Variants in RPH3A observed in about 807,000 individuals in gnomAD.
RPH3A encodes the protein rabphilin-3A.
Under a neutral mutation model 102.2 loss-of-function variants are expected in RPH3A, and 48 were observed. The observed-to-expected ratio is 0.47, with a 90% confidence interval of 0.37 to 0.60. The LOEUF is 0.60. Ranked by LOEUF, RPH3A falls within the 20% of genes least tolerant of loss-of-function variation. The pLI, the probability that RPH3A is intolerant of heterozygous loss-of-function variation, is 0.00. For missense variants in RPH3A, 781 were observed against 910.1 expected, an observed-to-expected ratio of 0.86 and a Z score of 1.83; for synonymous variants, 310 against 324.3, an observed-to-expected ratio of 0.96 and a Z score of 0.47.
intron 1 of RPH3A, among the ~76,000 whole-genome samples, chr12:112,752,352 T>C (rs927228900): frequency 6.6e-6 from 1 of 152,214 alleles, no homozygotes; most frequent in Non-Finnish European, 1.5e-5. Flanking sequence ...AATTCAATTA[T>C]AGAAACTTAT....
chr12:112,606,668 G>A (rs371332422), intron 1 of RPH3A, among the ~76,000 whole-genome samples: 21 of 152,202 alleles, frequency 1.4e-4, no homozygotes, highest in Non-Finnish European at 2.2e-4. Flanking sequence ...AACAGGAAGC[G>A]TAGATGCGGA....
At chr12:112,813,155 G>A (rs908514710) in intron 2 of RPH3A, among the ~76,000 whole-genome samples, 1 of 152,206 alleles carries the variant, frequency 6.6e-6, no homozygotes, top group Non-Finnish European at 1.5e-5. Flanking sequence ...GGCAGAGTGG[G>A]GACTTGAATC....
chr12:112,738,492 C>G (rs984543561), intron 1 of RPH3A, among the ~76,000 whole-genome samples: 20 of 152,080 alleles, frequency 1.3e-4, no homozygotes, highest in African/African-American at 4.6e-4. Context: ...ATGCATTTTG[C>G]AGGGGGTACT....
At chr12:112,753,922 G>T (rs1048965732) in intron 1 of RPH3A, among the ~76,000 whole-genome samples, 2 of 152,174 alleles carry the variant, frequency 1.3e-5, no homozygotes, top group Non-Finnish European at 2.9e-5. Flanking sequence ...TACAGGAGAG[G>T]CAGGAGGGTC....
intron 1 of RPH3A, among the ~76,000 whole-genome samples, chr12:112,653,368 TAAAA>T (rs754219546): frequency 3.7e-5 from 4 of 109,258 alleles, no homozygotes; most frequent in Admixed American, 9.8e-5. Context: ...AGACTCCATC[TAAAA>T]AAAAAAAAAA....
chr12:112,797,750 C>T (rs989242347), intron 2 of RPH3A, among the ~76,000 whole-genome samples: 3 of 151,266 alleles, frequency 2.0e-5, no homozygotes, highest in Admixed American at 6.6e-5. Flanking sequence ...AGTGCAGTGG[C>T]GTGATGATCA....
chr12:112,742,838 A>G (rs1317782630), intron 1 of RPH3A, among the ~76,000 whole-genome samples: 1 of 152,188 alleles, frequency 6.6e-6, no homozygotes, highest in East Asian at 1.9e-4. Flanking sequence ...GACTGTGAAG[A>G]TCAGCAGTCC....
At chr12:112,645,817 G>A (rs1462245087) in intron 1 of RPH3A, among the ~76,000 whole-genome samples, 2 of 152,168 alleles carry the variant, frequency 1.3e-5, no homozygotes, top group Admixed American at 6.5e-5. Context: ...TGTGAGTGGC[G>A]TTTTGAATGG....
intron 19 of RPH3A, among the ~76,000 whole-genome samples, chr12:112,892,038 T>G (rs556536010): frequency 6.6e-6 from 1 of 152,308 alleles, no homozygotes; most frequent in East Asian, 1.9e-4. Context: ...AAGGCTCAAA[T>G]GAGATAGCAC....
chr12:112,606,077 T>C (rs548182599), intron 1 of RPH3A, among the ~76,000 whole-genome samples: 1 of 152,308 alleles, frequency 6.6e-6, no homozygotes, highest in Admixed American at 6.5e-5. Context: ...TATGTATCTT[T>C]CTTCTCTTAG....
intron 1 of RPH3A, among the ~76,000 whole-genome samples, chr12:112,620,271 A>G (rs1472079343): frequency 6.6e-6 from 1 of 152,216 alleles, no homozygotes; most frequent in Non-Finnish European, 1.5e-5. Flanking sequence ...CTGAGCATAC[A>G]GGCCCATGCA....
chr12:112,792,296 G>C (rs1039177884), intron 2 of RPH3A, 33 bp downstream of exon 2: 1 of 152,236 alleles, frequency 6.6e-6, no homozygotes, highest in East Asian at 1.9e-4. Context: ...GTGCAGATGG[G>C]CTAGGGGTGT....
At position 112,871,713 on chromosome 12, in the gene RPH3A, T is replaced by C. The variant is rs960266109; in HGVS notation, c.796+1674T>C. ...TGTATTTATATAGTGTATATATATATACACACACATAATATAGTGTACATA... is the reference window on the plus strand; with the variant it reads ...TGTATTTATATAGTGTATATATATACACACACACATAATATAGTGTACATA... On this transcript the variant is annotated intron_variant, in intron 10 of 21. Coordinates refer to ENST00000389385, the MANE Select transcript of RPH3A (RefSeq NM_001143854.2). Among the ~76,000 whole-genome samples the C allele has an allele frequency of 7.4e-5, 11 of 149,554 alleles. 1 individual carries two copies. The highest frequency in any genetic ancestry group is 3.9e-4 in the East Asian group (2 of 5,146).
At chr12:112,659,815 T>C (rs1441406821) in intron 1 of RPH3A, among the ~76,000 whole-genome samples, 1 of 152,204 alleles carries the variant, frequency 6.6e-6, no homozygotes, top group Non-Finnish European at 1.5e-5. Flanking sequence ...TCTTTCACGC[T>C]GACTCCTAGG....
intron 13 of RPH3A, among the ~76,000 whole-genome samples, 178 bp downstream of exon 13, chr12:112,877,044 A>G (rs1049470873): frequency 1.4e-4 from 21 of 152,236 alleles, no homozygotes; most frequent in Admixed American, 1.2e-3. Flanking sequence ...TTCACAAAAT[A>G]TCAGCTTCCT....
chr12:112,650,420 A>G (rs2039965363), intron 1 of RPH3A, among the ~76,000 whole-genome samples: 1 of 152,230 alleles, frequency 6.6e-6, no homozygotes, highest in Admixed American at 6.5e-5. Flanking sequence ...CAATTTTAGA[A>G]TTTTCTACAA....
chr12:112,589,126 G>T (rs531949297), intron 1 of RPH3A, among the ~76,000 whole-genome samples: 3 of 151,906 alleles, frequency 2.0e-5, no homozygotes, highest in East Asian at 1.9e-4. Flanking sequence ...GGTAGAGGGG[G>T]CGATTAGTAG....
intron 1 of RPH3A, among the ~76,000 whole-genome samples, chr12:112,678,821 G>A (rs1454408563): frequency 1.3e-5 from 2 of 152,130 alleles, no homozygotes; most frequent in African/African-American, 2.4e-5. Context: ...ACAGTCTACT[G>A]GGGAAGCAGA....
intron 1 of RPH3A, among the ~76,000 whole-genome samples, chr12:112,609,255 A>T (rs751993307): frequency 6.6e-6 from 1 of 152,170 alleles, no homozygotes; most frequent in Non-Finnish European, 1.5e-5. Flanking sequence ...TTATGTAGAG[A>T]TGGGGTTTAG....
Sources: gnomAD v4.1 joint callset for allele counts (sites outside exome capture counted in the v4.1 genomes callset) on GRCh38, gnomAD v4.1.1 for gene constraint, MANE v1.5 for transcripts, NCBI Gene and HGNC (gene_info 2026-07-23, HGNC 2026-07-21) for gene names.